Variants in NAV2 observed in about 807,000 individuals in gnomAD.
The protein encoded by NAV2 is helicase, APC down-regulated 1.
Under a neutral mutation model 223.2 loss-of-function variants are expected in NAV2, and 54 were observed. That is an observed-to-expected ratio of 0.24 (90% CI 0.19 to 0.30). NAV2 has a LOEUF of 0.30. NAV2 is among the 10% of genes least tolerant of loss of function. The probability of loss-of-function intolerance (pLI) is 1.00; values close to 1 mark genes in which losing one functional copy is unlikely to be tolerated. For synonymous variants in NAV2, 1,279 were observed against 1,239.3 expected, an observed-to-expected ratio of 1.03 and a Z score of -0.67; for missense variants, 2,806 against 3,147.5, an observed-to-expected ratio of 0.89 and a Z score of 2.60.
At chr11:19,761,560 A>T (rs1674090034) in intron 1 of NAV2, among the ~76,000 whole-genome samples, 1 of 152,152 alleles carries the variant, frequency 6.6e-6, no homozygotes, top group Non-Finnish European at 1.5e-5. Context: ...CCAGGTGAGG[A>T]CATCTGTGGC....
At chr11:19,897,322 G>C in intron 6 of NAV2, among the ~76,000 whole-genome samples, 1 of 151,796 alleles carries the variant, frequency 6.6e-6, no homozygotes, top group East Asian at 1.9e-4. Flanking sequence ...ACATGGCACG[G>C]GTATACATAT....
At position 19,626,238 on chromosome 11, in the gene NAV2, A is replaced by G. The variant is rs1335752746; in HGVS notation, c.76-206246A>G. ...GGATGAGAGATGGAGGTCTGTTTTC[A>G]TTCTTTTACATATCCAGTTTTCCCA... On this transcript the variant is annotated intron_variant, in intron 1 of 37. Transcript: ENST00000360655. 5.9e-5 allele frequency among the ~76,000 whole-genome samples: 9 copies of G among 152,186 alleles called. 1 individual carries two copies. The South Asian group carries it at 1.0e-3, about 18-fold the overall frequency.
chr11:19,785,713 T>C (rs949749620), intron 1 of NAV2, among the ~76,000 whole-genome samples: 32 of 151,960 alleles, frequency 2.1e-4, no homozygotes, highest in Non-Finnish European at 4.4e-4. Context: ...GTCTGGCCAC[T>C]GTATGGGGAG....
intron 1 of NAV2, among the ~76,000 whole-genome samples, chr11:19,736,147 C>G (rs952345106): frequency 1.3e-5 from 2 of 152,212 alleles, no homozygotes; most frequent in African/African-American, 2.4e-5. Flanking sequence ...CTATATCTCA[C>G]CCTCTCTATA....
chr11:19,763,129 A>G (rs573689617), intron 1 of NAV2, among the ~76,000 whole-genome samples: 5 of 152,332 alleles, frequency 3.3e-5, no homozygotes, highest in African/African-American at 1.2e-4. Context: ...GGACCGCAGT[A>G]GATATGTGAT....
intron 1 of NAV2, among the ~76,000 whole-genome samples, chr11:19,583,428 G>C (rs1052837328): frequency 1.3e-5 from 2 of 152,174 alleles, no homozygotes; most frequent in African/African-American, 2.4e-5. Flanking sequence ...AATAGGAGTG[G>C]TGAGAGAGGG....
intron 1 of NAV2, among the ~76,000 whole-genome samples, chr11:19,786,069 G>T (rs1339275033): frequency 6.6e-6 from 1 of 152,194 alleles, no homozygotes; most frequent in Non-Finnish European, 1.5e-5. Context: ...GCAAAGACAG[G>T]AATTTGGAGT....
intron 11 of NAV2, among the ~76,000 whole-genome samples, chr11:19,986,664 G>A (rs1268217570): frequency 6.6e-6 from 1 of 152,118 alleles, no homozygotes; most frequent in African/African-American, 2.4e-5. Flanking sequence ...AACTGACAAA[G>A]TTTTAAAGAA....
At chr11:19,789,155 C>A (rs960675748) in intron 1 of NAV2, among the ~76,000 whole-genome samples, 1 of 152,110 alleles carries the variant, frequency 6.6e-6, no homozygotes, top group Non-Finnish European at 1.5e-5. Flanking sequence ...TTGGTAATTG[C>A]AGACCTCTGG....
chr11:19,557,788 A>G (rs2044950218), intron 1 of NAV2, among the ~76,000 whole-genome samples: 1 of 152,178 alleles, frequency 6.6e-6, no homozygotes, highest in Non-Finnish European at 1.5e-5. Context: ...GGCTGAAGGG[A>G]TGGCAGATTC....
intron 1 of NAV2, among the ~76,000 whole-genome samples, chr11:19,411,355 A>G (rs1564915820): frequency 6.6e-6 from 1 of 152,178 alleles, no homozygotes; most frequent in Non-Finnish European, 1.5e-5. Context: ...CTCTACACCC[A>G]TGCCACCAAT....
chr11:19,934,011 C>A lies in NAV2; in HGVS notation c.1767C>A (p.Ser589Arg). 6.3e-7 allele frequency: 1 copy of A among 1,594,410 alleles called. No homozygotes were observed. Among genetic ancestry groups the A allele is most frequent in the South Asian group, 1.1e-5 (1 of 87,728 alleles). The change falls in exon 7 of 38, where the codon AGC becomes AGA. Residue 589 changes from serine to arginine, a missense_variant. This residue lies in a region of NAV2 where 1,167 missense variants were observed against 1,180.5 expected (regional missense o/e 0.99). Transcript: ENST00000349880. ...APAPSKEGER[S>R]RSGKLSSGLP... is the part of the protein sequence containing the mutation. ...CGCCTTCCAAGGAAGGGGAGCGGAG[C>A]CGGAGTGGGAAGCTGAGCTCAGGAC...
chr11:19,627,547 G>A (rs561107621), intron 1 of NAV2, among the ~76,000 whole-genome samples: 2 of 152,114 alleles, frequency 1.3e-5, no homozygotes, highest in Non-Finnish European at 2.9e-5. Context: ...CCAGCAAAGA[G>A]GACCAATTTG....
chr11:20,082,975 C>T, intron 25 of NAV2, 32 bp from the exon 26 acceptor site: 1 of 1,589,236 alleles, frequency 6.3e-7, no homozygotes, highest in Admixed American at 1.7e-5. Flanking sequence ...TTGGTTGCCC[C>T]CGCTGTGAGA....
chr11:19,476,628 T>G (rs2042124404), intron 1 of NAV2, among the ~76,000 whole-genome samples: 1 of 152,196 alleles, frequency 6.6e-6, no homozygotes, highest in African/African-American at 2.4e-5. Flanking sequence ...ATAGGATCCA[T>G]GATCCAATAC....
chr11:20,090,120 C>G (rs960295765), intron 26 of NAV2, among the ~76,000 whole-genome samples: 7 of 152,168 alleles, frequency 4.6e-5, no homozygotes, highest in Non-Finnish European at 8.8e-5. Flanking sequence ...AGAATGTGAT[C>G]AGGAACAGAT....
At chr11:19,804,229 C>T (rs1008562738) in intron 1 of NAV2, among the ~76,000 whole-genome samples, 3 of 152,144 alleles carry the variant, frequency 2.0e-5, no homozygotes, top group African/African-American at 7.2e-5. Flanking sequence ...GGAATATGGA[C>T]AAAATTATTC....
In NAV2 at chr11:19,795,298, A is replaced by G. The variant is rs189480162; in HGVS notation, c.268-37186A>G. The stretch of plus-strand genomic sequence containing the variant: ...ATTCCCCAGAACATTTATTTGTAAG[A>G]TTTGATTTAAGTCAATGTCACCCAA... On this transcript the variant is annotated intron_variant, in intron 1 of 37. Coordinates refer to ENST00000349880, the MANE Select transcript of NAV2 (RefSeq NM_145117.5). Among the ~76,000 whole-genome samples, 10 of 152,336 alleles carry G rather than the reference A, an allele frequency of 6.6e-5. No homozygotes were observed. The East Asian group carries it at 1.9e-3, about 29-fold the overall frequency.
intron 1 of NAV2, among the ~76,000 whole-genome samples, chr11:19,495,032 T>C (rs1031133047): frequency 6.6e-6 from 1 of 152,176 alleles, no homozygotes; most frequent in African/African-American, 2.4e-5. Context: ...TCATTGCTGC[T>C]TGAAGCAGGC....
Sources: allele counts gnomAD v4.1 joint callset (sites outside exome capture counted in the v4.1 genomes callset), GRCh38; gene constraint gnomAD v4.1.1; regional missense constraint gnomAD v4.1.1; transcripts MANE v1.5; gene names NCBI Gene and HGNC (gene_info 2026-07-23, HGNC 2026-07-21).